Variants in SLAIN2 observed in about 807,000 individuals in gnomAD.
SLAIN2 encodes the protein SLAIN family member 2.
Under a neutral mutation model 56.6 loss-of-function variants are expected in SLAIN2, and 31 were observed. That is an observed-to-expected ratio of 0.55 (90% CI 0.41 to 0.74). The LOEUF (loss-of-function observed/expected upper bound fraction) is 0.74. Ranked by LOEUF, SLAIN2 falls within the 30% of genes least tolerant of loss-of-function variation. The pLI, the probability that SLAIN2 is intolerant of heterozygous loss-of-function variation, is 0.00. For missense variants in SLAIN2, 777 were observed against 754.2 expected, an observed-to-expected ratio of 1.03 and a Z score of -0.35; for synonymous variants, 317 against 284.9, an observed-to-expected ratio of 1.11 and a Z score of -1.13.
intron 1 of SLAIN2, among the ~76,000 whole-genome samples, chr4:48,367,680 T>C (rs1715555263): frequency 6.6e-6 from 1 of 152,160 alleles, no homozygotes; most frequent in Non-Finnish European, 1.5e-5. Flanking sequence ...ATTGTTGTAT[T>C]CATTTAGTTT....
At chr4:48,359,092 A>G (rs563123976) in intron 1 of SLAIN2, among the ~76,000 whole-genome samples, 25 of 152,296 alleles carry the variant, frequency 1.6e-4, no homozygotes, top group Non-Finnish European at 2.9e-4. Flanking sequence ...ACAAATTACA[A>G]TCTCAAAGTG....
At chr4:48,374,834 T>A (rs28636546) in intron 2 of SLAIN2, among the ~76,000 whole-genome samples, 43,693 of 152,052 alleles carry the variant, frequency 0.29, 6,537 homozygotes, top group South Asian at 0.48. Flanking sequence ...TAGTGATTTC[T>A]AAGTTGCCAG....
chr4:48,402,073 T>G (rs1716569454), intron 6 of SLAIN2, among the ~76,000 whole-genome samples: 1 of 152,208 alleles, frequency 6.6e-6, no homozygotes, highest in South Asian at 2.1e-4. Context: ...AATTCTTTTC[T>G]TAAGGAATGT....
At chr4:48,390,987 A>G (rs1716224392) in intron 6 of SLAIN2, among the ~76,000 whole-genome samples, 1 of 152,240 alleles carries the variant, frequency 6.6e-6, no homozygotes, top group Non-Finnish European at 1.5e-5. Flanking sequence ...AGTAAATTCC[A>G]GAAATTGCCA....
intron 6 of SLAIN2, among the ~76,000 whole-genome samples, chr4:48,408,199 A>G (rs1372467148): frequency 1.3e-5 from 2 of 152,098 alleles, no homozygotes; most frequent in Non-Finnish European, 2.9e-5. Flanking sequence ...GCATGGTGGC[A>G]CGCACCTGTG....
intron 6 of SLAIN2, among the ~76,000 whole-genome samples, chr4:48,396,876 CTG>C (rs1716405455): frequency 6.6e-6 from 1 of 152,182 alleles, no homozygotes; most frequent in Admixed American, 6.5e-5. Flanking sequence ...AAAGTAAGAA[CTG>C]TGTTGCTTGG....
In SLAIN2 at chr4:48,342,050, G is replaced by T. The variant is rs1714724775; in HGVS notation, c.311G>T (p.Gly104Val). Reference sequence around the variant, plus strand: ...TCCTTGCTAGCGGCGGGCGAGGGCGGCTTGCTGGACGAGGTGGAGCCGCTG... The same window carrying T: ...TCCTTGCTAGCGGCGGGCGAGGGCGTCTTGCTGGACGAGGTGGAGCCGCTG... ...ATSLLAAGEG[G>V]LLDEVEPLRP... Residue 104 changes from glycine (G) to valine (V), a missense_variant, in exon 1 of 8, where the codon GGC (glycine) becomes GTC (valine). Coordinates refer to ENST00000264313, the MANE Select transcript of SLAIN2 (RefSeq NM_020846.2). 7.2e-7 allele frequency: 1 copy of T among 1,392,118 alleles called. No homozygotes were observed. The highest frequency in any genetic ancestry group is 9.3e-7 in the Non-Finnish European group (1 of 1,080,786). The allele number at this position is 1,392,118 out of a possible 1,614,324, so 86.2% of individuals were successfully genotyped here.
chr4:48,415,442 G>A (rs1716976789), intron 6 of SLAIN2, among the ~76,000 whole-genome samples: 1 of 56,900 alleles, frequency 1.8e-5, no homozygotes, highest in Non-Finnish European at 3.9e-5. Flanking sequence ...TGAGTTCATT[G>A]TAGATTCTGG....
intron 6 of SLAIN2, among the ~76,000 whole-genome samples, chr4:48,397,999 A>T (rs957279076): frequency 1.3e-5 from 2 of 152,184 alleles, no homozygotes; most frequent in Non-Finnish European, 2.9e-5. Context: ...TAATAGAATG[A>T]TTTATATTCC....
chr4:48,407,267 GTCT>G (rs1314840116), intron 6 of SLAIN2, among the ~76,000 whole-genome samples: 1 of 151,684 alleles, frequency 6.6e-6, no homozygotes, highest in Non-Finnish European at 1.5e-5. Flanking sequence ...TTTCTCCTTA[GTCT>G]TCTTCTTAAA....
At chr4:48,383,002 GA>G in intron 5 of SLAIN2, 75 bp downstream of exon 5, 2 of 1,441,836 alleles carry the variant, frequency 1.4e-6, no homozygotes, top group Non-Finnish European at 1.8e-6. Context: ...CCGTCTCTAG[GA>G]AAAAAATTTT....
In SLAIN2 at chr4:48,425,887, T is replaced by A. The variant is rs1717286115; in HGVS notation, c.*3810T>A. 1 of 152,182 alleles carries A rather than the reference T, an allele frequency of 6.6e-6. No individual in the cohort carries two copies. Among genetic ancestry groups the A allele is most frequent in the African/African-American group, 2.4e-5 (1 of 41,436 alleles). The allele number at this position is 152,182 out of a possible 1,614,324, so 9.4% of individuals were successfully genotyped here. On this transcript the variant is annotated 3_prime_UTR_variant, in exon 8 of 8. Transcript: ENST00000264313. ...CCTTATTTACTGTAATACAAACTGG[T>A]TAAAACTATGTTAACTGAATGCTAG...
intron 2 of SLAIN2, 52 bp from the exon 3 acceptor site, chr4:48,377,844 G>T (rs749087951): frequency 7.8e-6 from 12 of 1,531,594 alleles, no homozygotes; most frequent in Non-Finnish European, 1.1e-5. Flanking sequence ...GAAATGAAAC[G>T]TTAACTTTTT....
chr4:48,412,212 A>AC (rs1358964672), intron 6 of SLAIN2, among the ~76,000 whole-genome samples: 3 of 152,162 alleles, frequency 2.0e-5, no homozygotes, highest in African/African-American at 7.2e-5. Flanking sequence ...GTGTACTAAA[A>AC]CTAACGTGTC....
chr4:48,404,720 G>A (rs971566530), intron 6 of SLAIN2, among the ~76,000 whole-genome samples: 3 of 152,036 alleles, frequency 2.0e-5, no homozygotes, highest in East Asian at 1.9e-4. Flanking sequence ...GCTTTCTAAG[G>A]CCTTTGTCTT....
intron 6 of SLAIN2, among the ~76,000 whole-genome samples, chr4:48,387,106 A>G (rs1405279726): frequency 1.3e-5 from 2 of 152,152 alleles, no homozygotes; most frequent in Non-Finnish European, 2.9e-5. Context: ...AGCTATATCT[A>G]TATCCTCTAC....
At chr4:48,379,227 T>C (rs1195403484) in intron 3 of SLAIN2, among the ~76,000 whole-genome samples, 1 of 152,172 alleles carries the variant, frequency 6.6e-6, no homozygotes, top group Non-Finnish European at 1.5e-5. Flanking sequence ...CTAAGGAATC[T>C]AATTTTATTC....
intron 4 of SLAIN2, among the ~76,000 whole-genome samples, chr4:48,381,720 A>G (rs1715977289): frequency 6.6e-6 from 1 of 152,224 alleles, no homozygotes; most frequent in Non-Finnish European, 1.5e-5. Context: ...GTGTGAATAC[A>G]TGACTTTAGG....
At chr4:48,379,653 A>G (rs1715920072) in intron 3 of SLAIN2, 37 bp from the exon 4 acceptor site, 1 of 1,358,652 alleles carries the variant, frequency 7.4e-7, no homozygotes, top group Admixed American at 3.1e-5. Context: ...TAGTTGCTTT[A>G]CCAGAGTTTG....
Sources: allele counts gnomAD v4.1 joint callset (sites outside exome capture counted in the v4.1 genomes callset), GRCh38; gene constraint gnomAD v4.1.1; transcripts MANE v1.5; gene names NCBI Gene and HGNC (gene_info 2026-07-23, HGNC 2026-07-21).